Variants in AGTR1 observed in about 807,000 individuals in gnomAD.
AGTR1 encodes the protein angiotensin II receptor type 1.
A neutral mutation model predicts 19.4 loss-of-function variants in AGTR1; 16 were observed. The ratio of observed to expected loss-of-function variants is 0.82; its 90% CI spans 0.56 to 1.25. AGTR1 has a LOEUF of 1.25. Ranked by LOEUF, AGTR1 falls within the 50% of genes most tolerant of loss-of-function variation. The pLI is 0.00. For missense variants in AGTR1, 373 were observed against 431.9 expected (o/e 0.86, Z 1.21); for synonymous variants, 153 against 154.9 (o/e 0.99, Z 0.09).
intron 2 of AGTR1, among the ~76,000 whole-genome samples, chr3:148,720,927 T>C (rs1424475426): frequency 6.6e-6 from 1 of 152,218 alleles, no homozygotes; most frequent in Admixed American, 6.5e-5. Flanking sequence ...AAGGTGTAAA[T>C]AAGAACAAAT....
intron 2 of AGTR1, among the ~76,000 whole-genome samples, chr3:148,714,168 C>T (rs1312022490): frequency 1.3e-5 from 2 of 152,138 alleles, no homozygotes; most frequent in Non-Finnish European, 2.9e-5. Flanking sequence ...ATGCCAGACA[C>T]TATTCTCAGC....
intron 2 of AGTR1, among the ~76,000 whole-genome samples, chr3:148,729,328 T>A (rs1483796370): frequency 6.6e-6 from 1 of 152,212 alleles, no homozygotes; most frequent in Non-Finnish European, 1.5e-5. Context: ...CTTCCCTACA[T>A]AGCCTTCTAT....
intron 1 of AGTR1, among the ~76,000 whole-genome samples, chr3:148,704,015 A>C (rs940638716): frequency 1.3e-5 from 2 of 152,124 alleles, no homozygotes; most frequent in East Asian, 3.8e-4. Context: ...TTGTATATCA[A>C]TTATACTTCA....
intron 2 of AGTR1, among the ~76,000 whole-genome samples, chr3:148,721,989 A>T (rs923173251): frequency 6.6e-6 from 1 of 152,192 alleles, no homozygotes; most frequent in African/African-American, 2.4e-5. Context: ...CTCTGGTACC[A>T]CCTAAGAAAC....
chr3:148,698,391 T>G lies in AGTR1; in HGVS notation c.-132+264T>G, dbSNP rs543129078. ...TTCTCAATCCATTTTAACCAAACTC[T>G]TCCGAGTGCAAGGAAGAAATCTACA... is the stretch of plus-strand genomic sequence containing the variant. On this transcript the variant is annotated intron_variant, in intron 1 of 2. Coordinates refer to ENST00000349243, the MANE Select transcript of AGTR1 (RefSeq NM_000685.5). 10 of 152,328 alleles carry G rather than the reference T, an allele frequency of 6.6e-5. No individual in the cohort carries two copies. The East Asian group carries it at 1.9e-3, about 29-fold the overall frequency. The allele number at this position is 152,328 out of a possible 1,614,324, so 9.4% of individuals were successfully genotyped here. A position where few individuals can be genotyped will look rare whatever the true frequency, so the allele number is the denominator to read the frequency against.
chr3:148,722,336 T>C (rs1384585507), intron 2 of AGTR1, among the ~76,000 whole-genome samples: 2 of 152,110 alleles, frequency 1.3e-5, no homozygotes, highest in East Asian at 1.9e-4. Context: ...ATGGGAGATA[T>C]AAAAAAGACT....
chr3:148,714,531 A>G (rs1576527964), intron 2 of AGTR1, among the ~76,000 whole-genome samples: 1 of 152,166 alleles, frequency 6.6e-6, no homozygotes, highest in East Asian at 1.9e-4. Context: ...GAAATCAAGT[A>G]TTGAAGAGTA....
intron 2 of AGTR1, among the ~76,000 whole-genome samples, chr3:148,733,058 G>T (rs887983165): frequency 6.6e-6 from 1 of 152,010 alleles, no homozygotes; most frequent in African/African-American, 2.4e-5. Context: ...TTTTTTAAGA[G>T]TATAACCAAC....
intron 2 of AGTR1, among the ~76,000 whole-genome samples, chr3:148,732,505 G>A (rs1714323935): frequency 6.6e-6 from 1 of 151,984 alleles, no homozygotes; most frequent in African/African-American, 2.4e-5. Flanking sequence ...TCACTTTGTT[G>A]TTTCAATACA....
intron 2 of AGTR1, among the ~76,000 whole-genome samples, chr3:148,735,237 G>T (rs752865026): frequency 6.6e-6 from 1 of 152,116 alleles, no homozygotes; most frequent in Non-Finnish European, 1.5e-5. Context: ...GTTTCAGAGT[G>T]GTATAGTTAC....
intron 2 of AGTR1, among the ~76,000 whole-genome samples, chr3:148,717,037 G>C (rs1713343522): frequency 6.6e-6 from 1 of 152,152 alleles, no homozygotes; most frequent in Admixed American, 6.6e-5. Context: ...AAGTGATCTA[G>C]TTTTAAGGGC....
chr3:148,717,002 A>G (rs1713341208), intron 2 of AGTR1, among the ~76,000 whole-genome samples: 1 of 152,202 alleles, frequency 6.6e-6, no homozygotes, highest in African/African-American at 2.4e-5. Context: ...CAAGTCCAAC[A>G]ATGAATCATC....
chr3:148,709,420 C>T (rs1712858962), intron 2 of AGTR1, among the ~76,000 whole-genome samples: 1 of 152,130 alleles, frequency 6.6e-6, no homozygotes, highest in African/African-American at 2.4e-5. Context: ...CTAACATTCA[C>T]ACATTTGTAG....
chr3:148,739,884 C>T, intron 2 of AGTR1: 2 of 1,231,906 alleles, frequency 1.6e-6, no homozygotes, highest in Non-Finnish European at 2.0e-6. Flanking sequence ...TGCCCAGCAC[C>T]ACTGCCCACC....
At chr3:148,731,504 A>G (rs906565633) in intron 2 of AGTR1, 4 of 152,238 alleles carry the variant, frequency 2.6e-5, no homozygotes, top group Non-Finnish European at 5.9e-5. Flanking sequence ...TAATATTTTG[A>G]AAGTCTGAGC....
chr3:148,727,981 G>A (rs1231570486), intron 2 of AGTR1, among the ~76,000 whole-genome samples: 2 of 152,062 alleles, frequency 1.3e-5, no homozygotes, highest in Non-Finnish European at 2.9e-5. Flanking sequence ...AGTATCACTT[G>A]TCTGCCTGCT....
rs1006218579 is a variant in AGTR1 at position 148,714,193 on chromosome 3, C to A, written c.-48+6166C>A. 7.9e-5 allele frequency among the ~76,000 whole-genome samples: 12 copies of A among 152,196 alleles called. No individual in the cohort carries two copies. In the South Asian group the frequency reaches 2.5e-3, roughly 32 times the overall value. ...CTATTCTCAGCATTGAGCACAAAGT[C>A]GTGAGCAAGGTAGACAAAAATGCTT... On this transcript the variant is annotated intron_variant, in intron 2 of 2. Transcript: ENST00000349243.
intron 2 of AGTR1, among the ~76,000 whole-genome samples, chr3:148,721,678 A>G (rs1465716015): frequency 6.6e-6 from 1 of 152,158 alleles, no homozygotes; most frequent in East Asian, 1.9e-4. Context: ...TGAGTTAAGG[A>G]CACAGAGCTG....
chr3:148,739,850 C>G (rs758476241), intron 2 of AGTR1: 118 of 1,231,698 alleles, frequency 9.6e-5, no homozygotes, highest in Non-Finnish European at 1.1e-4. Context: ...GGGACCTGCT[C>G]CTGGTAGAGC....
Sources: allele counts gnomAD v4.1 joint callset (sites outside exome capture counted in the v4.1 genomes callset), GRCh38; gene constraint gnomAD v4.1.1; transcripts MANE v1.5; gene names NCBI Gene and HGNC (gene_info 2026-07-23, HGNC 2026-07-21).